Variants in CNKSR2 observed in about 807,000 individuals in gnomAD.
CNKSR2 encodes the protein CNK homolog protein 2.
In CNKSR2, 14 loss-of-function variants were observed where a neutral mutation model predicts 84.4. The observed-to-expected ratio is 0.17, with a 90% CI of 0.11 to 0.26. The LOEUF (loss-of-function observed/expected upper bound fraction) is 0.26. Among genes scored for constraint, CNKSR2 ranks in the 10% least tolerant of loss-of-function variants. The pLI is 1.00. For synonymous variants in CNKSR2, 275 were observed against 277.9 expected, an observed-to-expected ratio of 0.99 and a Z score of 0.10; for missense variants, 485 against 771.2, an observed-to-expected ratio of 0.63 and a Z score of 4.40.
intron 5 of CNKSR2, among the ~76,000 whole-genome samples, chrX:21,477,404 T>G (rs1049861528): frequency 1.2e-4 from 13 of 112,076 alleles, no homozygotes; most frequent in Admixed American, 2.9e-4. Context: ...CTTCTCTTTT[T>G]TCTCTTTTTT....
At chrX:21,433,262 C>A (rs1351165655) in intron 3 of CNKSR2, among the ~76,000 whole-genome samples, 1 of 111,376 alleles carries the variant, frequency 9.0e-6, no homozygotes, top group Admixed American at 9.6e-5. Flanking sequence ...GGCCTCGCTT[C>A]ATTCATTCTC....
At chrX:21,597,314 G>A (rs755531389) in intron 17 of CNKSR2, among the ~76,000 whole-genome samples, 5 of 110,743 alleles carry the variant, frequency 4.5e-5, no homozygotes, top group Admixed American at 9.7e-5. Context: ...TCGGGATATC[G>A]CAGAAACTAA....
At chrX:21,598,030 C>T (rs868201243) in intron 17 of CNKSR2, among the ~76,000 whole-genome samples, 1 of 107,694 alleles carries the variant, frequency 9.3e-6, no homozygotes. Context: ...TATATATACA[C>T]ACACACACAC....
chrX:21,412,569 A>AT (rs1305636331), intron 1 of CNKSR2, among the ~76,000 whole-genome samples: 1 of 111,964 alleles, frequency 8.9e-6, no homozygotes, highest in African/African-American at 3.2e-5. Context: ...CATCATACTG[A>AT]TGACTTCTAT....
At chrX:21,377,812 GA>G (rs1387425600) in intron 1 of CNKSR2, among the ~76,000 whole-genome samples, 3 of 110,740 alleles carry the variant, frequency 2.7e-5, no homozygotes, top group South Asian at 3.8e-4. Flanking sequence ...AATGAAGGGG[GA>G]AAAAAAGCTG....
intron 3 of CNKSR2, among the ~76,000 whole-genome samples, chrX:21,435,498 A>G (rs1337064457): frequency 8.9e-6 from 1 of 111,860 alleles, no homozygotes; most frequent in Non-Finnish European, 1.9e-5. Context: ...GATAAAATCT[A>G]AGGTTAACAC....
chrX:21,375,592 G>C (rs1230615366), intron 1 of CNKSR2, among the ~76,000 whole-genome samples: 4 of 112,300 alleles, frequency 3.6e-5, no homozygotes, highest in East Asian at 5.7e-4. Flanking sequence ...CATCCTTGCT[G>C]CTGTCTCTGG....
At chrX:21,566,655 T>C (rs1212332435) in intron 13 of CNKSR2, among the ~76,000 whole-genome samples, 1 of 111,894 alleles carries the variant, frequency 8.9e-6, no homozygotes, top group African/African-American at 3.2e-5. Flanking sequence ...AAGTTAAAAG[T>C]TAGAGAAAAT....
At chrX:21,638,836 T>G (rs1462252324) in intron 20 of CNKSR2, among the ~76,000 whole-genome samples, 1 of 111,315 alleles carries the variant, frequency 9.0e-6, no homozygotes, top group Non-Finnish European at 1.9e-5. Flanking sequence ...ATAATTTATG[T>G]TTTTTCTGCC....
At chrX:21,482,499 G>T (rs1313518376) in intron 5 of CNKSR2, among the ~76,000 whole-genome samples, 3 of 112,351 alleles carry the variant, frequency 2.7e-5, no homozygotes, top group Admixed American at 9.5e-5. Flanking sequence ...GAAGCTTGTA[G>T]TAACAGGACT....
chrX:21,427,253 G>A (rs774656724), intron 2 of CNKSR2: 6 of 111,527 alleles, frequency 5.4e-5, no homozygotes, highest in African/African-American at 9.8e-5. Flanking sequence ...AAGTTAATGC[G>A]GAAAATAAAT....
At chrX:21,411,572 C>T (rs1569153142) in intron 1 of CNKSR2, among the ~76,000 whole-genome samples, 1 of 111,065 alleles carries the variant, frequency 9.0e-6, no homozygotes, top group East Asian at 2.8e-4. Context: ...GTGCCTCATA[C>T]TCTCACTCCT....
At chrX:21,479,520 G>T (rs1052334394) in intron 5 of CNKSR2, among the ~76,000 whole-genome samples, 1 of 111,110 alleles carries the variant, frequency 9.0e-6, no homozygotes, top group Non-Finnish European at 1.9e-5. Flanking sequence ...CAAGGTAATT[G>T]AATCAGTCTG....
intron 7 of CNKSR2, among the ~76,000 whole-genome samples, chrX:21,498,607 T>G (rs1325905297): frequency 7.2e-5 from 8 of 111,830 alleles, no homozygotes; most frequent in Non-Finnish European, 9.4e-5. Flanking sequence ...CTCACTAGGT[T>G]GTAATGAAAA....
chrX:21,518,447 G>A (rs2091750460), intron 9 of CNKSR2, among the ~76,000 whole-genome samples: 1 of 111,506 alleles, frequency 9.0e-6, no homozygotes, highest in Non-Finnish European at 1.9e-5. Flanking sequence ...CGGTTTGAGG[G>A]AATATCTCTA....
chrX:21,526,891 A>C lies in CNKSR2; in HGVS notation c.982A>C (p.Ser328Arg). 1 of 1,205,732 alleles carries C rather than the reference A, an allele frequency of 8.3e-7. No individual in the cohort carries two copies. Among genetic ancestry groups the C allele is most frequent in the Non-Finnish European group, 1.1e-6 (1 of 890,990 alleles). The change falls in exon 10 of 22, where the codon AGC (serine) becomes CGC (arginine). Residue 328 changes from serine (S) to arginine (R), a missense_variant. Physicochemically the swap from Ser to Arg is moderately radical, Grantham distance 110. This residue lies in a region of CNKSR2 where 132 missense variants were observed against 166.7 expected (regional missense o/e 0.79). Coordinates refer to ENST00000379510, the MANE Select transcript of CNKSR2 (RefSeq NM_014927.5). ...LQPLIPRSPT[S>R]SVATPSSTIS... ...GCCTCTTATACCTAGAAGTCCCACAAGCAGCGTTGCCACGCCTTCCAGCAC... is the reference window on the plus strand; with the variant it reads ...GCCTCTTATACCTAGAAGTCCCACACGCAGCGTTGCCACGCCTTCCAGCAC...
intron 11 of CNKSR2, among the ~76,000 whole-genome samples, chrX:21,543,131 C>T (rs907257343): frequency 3.6e-5 from 4 of 112,341 alleles, no homozygotes; most frequent in Non-Finnish European, 5.6e-5. Flanking sequence ...GTTAGGATAG[C>T]GTCTGTAGGT....
At chrX:21,622,805 T>C (rs2092607461) in intron 20 of CNKSR2, among the ~76,000 whole-genome samples, 1 of 111,730 alleles carries the variant, frequency 9.0e-6, no homozygotes, top group Admixed American at 9.5e-5. Context: ...AATTAGTATA[T>C]TGATGGCTTG....
chrX:21,418,642 G>A (rs892609418), intron 1 of CNKSR2, among the ~76,000 whole-genome samples: 3 of 110,737 alleles, frequency 2.7e-5, no homozygotes, highest in South Asian at 3.9e-4. Flanking sequence ...GTTTTCCACC[G>A]AAAACTCTGT....
Sources: gnomAD v4.1 joint callset for allele counts (sites outside exome capture counted in the v4.1 genomes callset) on GRCh38, gnomAD v4.1.1 for gene constraint, gnomAD v4.1.1 regional missense constraint, MANE v1.5 for transcripts, NCBI Gene and HGNC (gene_info 2026-07-23, HGNC 2026-07-21) for gene names.